LMNB1: variants seen among roughly 807,000 people sequenced by gnomAD.
LMNB1 encodes the protein lamin-B1.
A neutral mutation model predicts 67.1 loss-of-function variants in LMNB1; 23 were observed. That is an observed-to-expected ratio of 0.34 (90% CI 0.25 to 0.49). LMNB1 has a LOEUF of 0.49. LMNB1 is among the 20% of genes least tolerant of loss of function. The pLI is 0.99. For synonymous variants in LMNB1, 281 were observed against 282.9 expected, an observed-to-expected ratio of 0.99 and a Z score of 0.07; for missense variants, 634 against 746.5, an observed-to-expected ratio of 0.85 and a Z score of 1.76.
chr5:126,776,795 C>T (rs1580516856), upstream of LMNB1: 1 of 152,432 alleles, frequency 6.6e-6, no homozygotes, highest in South Asian at 2.1e-4. Flanking sequence ...GGCCCGGCCC[C>T]TCCAAGGGGT....
intron 5 of LMNB1, among the ~76,000 whole-genome samples, chr5:126,813,787 C>T (rs1047634073): frequency 6.6e-6 from 1 of 152,190 alleles, no homozygotes; most frequent in East Asian, 1.9e-4. Context: ...ATCTAATTAC[C>T]ACTCAAAGGC....
At chr5:126,789,241 G>A (rs1750889598) in intron 1 of LMNB1, among the ~76,000 whole-genome samples, 1 of 152,144 alleles carries the variant, frequency 6.6e-6, no homozygotes, top group South Asian at 2.1e-4. Flanking sequence ...CAGTGTTTAT[G>A]TAACAAAACA....
At chr5:126,835,770 G>A (rs529727363) in intron 10 of LMNB1, among the ~76,000 whole-genome samples, 5 of 152,268 alleles carry the variant, frequency 3.3e-5, no homozygotes, top group Non-Finnish European at 5.9e-5. Context: ...TTGTTGGGGG[G>A]TATTCTAGAA....
intron 8 of LMNB1, among the ~76,000 whole-genome samples, chr5:126,825,233 A>G (rs571557529): frequency 6.6e-6 from 1 of 152,324 alleles, no homozygotes; most frequent in Non-Finnish European, 1.5e-5. Flanking sequence ...TCTTCACTCT[A>G]TCCATTCTCT....
chr5:126,809,672 G>C (rs767313250), intron 3 of LMNB1, among the ~76,000 whole-genome samples: 2 of 151,010 alleles, frequency 1.3e-5, no homozygotes, highest in Non-Finnish European at 3.0e-5. Flanking sequence ...GGGCGACAGA[G>C]TGATACTCTA....
rs1428279327 is a variant in LMNB1 at position 126,820,997 on chromosome 5, G to C, written c.1248G>C (p.Arg416=). The part of the protein sequence containing the change: ...SRSVRTTRGK[R]KRVDVEESEA... ...GTGTACGTACAACTAGAGGAAAGCGGAAGAGGGTTGATGTGGAAGAATCAG... is the reference window on the plus strand; with the variant it reads ...GTGTACGTACAACTAGAGGAAAGCGCAAGAGGGTTGATGTGGAAGAATCAG... The change falls in exon 7 of 11, where the codon CGG becomes CGC. Residue 416 remains arginine (R), a synonymous_variant. Transcript: ENST00000261366. 1 of 1,613,884 alleles carries C rather than the reference G, an allele frequency of 6.2e-7. No individual in the cohort carries two copies. The highest frequency in any genetic ancestry group is 1.3e-5 in the African/African-American group (1 of 74,922).
At chr5:126,799,879 T>A (rs1056697973) in intron 1 of LMNB1, among the ~76,000 whole-genome samples, 1 of 152,208 alleles carries the variant, frequency 6.6e-6, no homozygotes, top group Non-Finnish European at 1.5e-5. Context: ...TATAAATTAC[T>A]TTGCACCAAG....
At position 126,832,733 on chromosome 5, in the gene LMNB1, C is replaced by A; in HGVS notation, c.1651C>A (p.Pro551Thr). The A allele has an allele frequency of 6.2e-7, 1 of 1,612,980 alleles. No individual in the cohort carries two copies. ...AAGTACAGTCTTTAAAACAACCATA[C>A]CTGAAGAAGAGGAGGAGGAGGAAGA... ...QRSTVFKTTI[P>T]EEEEEEEEAA... The change falls in exon 10 of 11, where the codon CCT becomes ACT. Residue 551 changes from proline (P) to threonine (T), a missense_variant. Transcript: ENST00000261366.
At chr5:126,789,730 G>A (rs887189999) in intron 1 of LMNB1, among the ~76,000 whole-genome samples, 3 of 152,058 alleles carry the variant, frequency 2.0e-5, no homozygotes, top group Non-Finnish European at 4.4e-5. Context: ...CTGGAGTGCA[G>A]TGGTGTGACC....
chr5:126,814,107 C>A (rs1751646163), intron 5 of LMNB1, among the ~76,000 whole-genome samples: 1 of 152,186 alleles, frequency 6.6e-6, no homozygotes, highest in South Asian at 2.1e-4. Flanking sequence ...GTTGGTCAGG[C>A]CGGTCTTGAA....
chr5:126,777,996 G>A (rs1370345567), intron 1 of LMNB1, 129 bp downstream of exon 1: 6 of 826,626 alleles, frequency 7.3e-6, no homozygotes, highest in African/African-American at 1.8e-5. Context: ...TGAAGGAACA[G>A]GGTCTCGGTC....
At chr5:126,813,370 C>A (rs890319405) in intron 5 of LMNB1, among the ~76,000 whole-genome samples, 1 of 152,290 alleles carries the variant, frequency 6.6e-6, no homozygotes, top group South Asian at 2.1e-4. Context: ...ATGATTTGCC[C>A]GTTGCCCAGA....
intron 1 of LMNB1, among the ~76,000 whole-genome samples, chr5:126,785,845 A>G (rs1453551759): frequency 6.6e-6 from 1 of 151,668 alleles, no homozygotes; most frequent in Non-Finnish European, 1.5e-5. Context: ...AAAACCCTGT[A>G]TCTACTAAAA....
At chr5:126,802,010 GTTCA>G (rs1475855623) in intron 1 of LMNB1, among the ~76,000 whole-genome samples, 1 of 152,230 alleles carries the variant, frequency 6.6e-6, no homozygotes, top group Non-Finnish European at 1.5e-5. Flanking sequence ...ACAAGTGTCA[GTTCA>G]TTCCTGTGGA....
intron 5 of LMNB1, among the ~76,000 whole-genome samples, chr5:126,818,405 A>T (rs988069328): frequency 6.6e-6 from 1 of 151,274 alleles, no homozygotes; most frequent in Non-Finnish European, 1.5e-5. Context: ...CAACCTGCTA[A>T]TTTTTTTTGT....
At chr5:126,819,836 C>A (rs1337261661) in intron 6 of LMNB1, among the ~76,000 whole-genome samples, 1 of 152,104 alleles carries the variant, frequency 6.6e-6, no homozygotes, top group Non-Finnish European at 1.5e-5. Context: ...ATTTTTGACA[C>A]CTGTTCTCAG....
intron 1 of LMNB1, among the ~76,000 whole-genome samples, chr5:126,788,624 G>T (rs147655242): frequency 6.6e-6 from 1 of 152,170 alleles, no homozygotes; most frequent in Non-Finnish European, 1.5e-5. Context: ...CTGCACTCCA[G>T]CCTGTGTGAC....
At chr5:126,788,351 G>A (rs1580527308) in intron 1 of LMNB1, among the ~76,000 whole-genome samples, 1 of 151,998 alleles carries the variant, frequency 6.6e-6, no homozygotes, top group Non-Finnish European at 1.5e-5. Context: ...GTAATAGAGA[G>A]GTGAGGCTGG....
chr5:126,821,096 T>C lies in LMNB1; in HGVS notation c.1347T>C (p.Val449=). The C allele has an allele frequency of 6.2e-7, 1 of 1,613,948 alleles. No individual in the cohort carries two copies. Among genetic ancestry groups the C allele is most frequent in the South Asian group, 1.1e-5 (1 of 91,082 alleles). Reference sequence around the variant, plus strand: ...ATGTTTGCATCGAAGAAATTGATGTTGATGGGAAATTTATCCGCTTGAAGA... The same window carrying C: ...ATGTTTGCATCGAAGAAATTGATGTCGATGGGAAATTTATCCGCTTGAAGA... ...TGNVCIEEID[V]DGKFIRLKNT... Residue 449 remains valine (V), a synonymous_variant, in exon 7 of 11, where the codon GTT becomes GTC. Transcript: ENST00000261366.
Sources: allele counts gnomAD v4.1 joint callset (sites outside exome capture counted in the v4.1 genomes callset), GRCh38; gene constraint gnomAD v4.1.1; transcripts MANE v1.5; gene names NCBI Gene and HGNC (gene_info 2026-07-23, HGNC 2026-07-21).